Variants in PRELID2 observed in about 807,000 individuals in gnomAD.
PRELID2 encodes the protein PRELI domain containing 2, also known as PRELI domain-containing protein 2.
In PRELID2, 25 loss-of-function variants were observed where a neutral mutation model predicts 28.4. The ratio of observed to expected loss-of-function variants is 0.88; its 90% CI spans 0.64 to 1.23. PRELID2 has a LOEUF of 1.23. PRELID2 is among the 50% of genes most tolerant of loss of function. The pLI, the probability that PRELID2 is intolerant of heterozygous loss-of-function variation, is 0.00. For synonymous variants in PRELID2, 76 were observed against 71.6 expected, an observed-to-expected ratio of 1.06 and a Z score of -0.31; for missense variants, 201 against 214.4, an observed-to-expected ratio of 0.94 and a Z score of 0.39.
chr5:145,469,398 T>C (rs578039933), downstream of PRELID2, among the ~76,000 whole-genome samples: 1 of 152,228 alleles, frequency 6.6e-6, no homozygotes, highest in East Asian at 1.9e-4. Context: ...GGATAAAATG[T>C]TTGTTTCTAC....
intron 1 of PRELID2, among the ~76,000 whole-genome samples, chr5:145,674,438 T>A (rs896732815): frequency 2.0e-5 from 3 of 152,118 alleles, no homozygotes; most frequent in Admixed American, 2.0e-4. Context: ...GAAATAGATC[T>A]GATCACATAT....
intron 1 of PRELID2, among the ~76,000 whole-genome samples, chr5:145,831,139 T>G (rs1755557279): frequency 6.6e-6 from 1 of 152,208 alleles, no homozygotes; most frequent in South Asian, 2.1e-4. Flanking sequence ...ATAAAAAAGC[T>G]TATGCTTTTC....
chr5:145,821,999 AT>A (rs1320780605), intron 2 of PRELID2, among the ~76,000 whole-genome samples: 6 of 152,300 alleles, frequency 3.9e-5, no homozygotes, highest in African/African-American at 1.4e-4. Context: ...ATGAGAAAAT[AT>A]TTTTAATATA....
chr5:145,503,889 T>C (rs745916279), intron 1 of PRELID2, among the ~76,000 whole-genome samples: 2 of 152,156 alleles, frequency 1.3e-5, no homozygotes, highest in Non-Finnish European at 2.9e-5. Flanking sequence ...GGAAAGCTAT[T>C]TGATGCTTCT....
At chr5:145,403,344 C>T in the PRELID2 span, among the ~76,000 whole-genome samples, 1 of 152,002 alleles carries the variant, frequency 6.6e-6, no homozygotes. Flanking sequence ...TCAAGGCCAG[C>T]CTGGGCAACA....
At chr5:145,383,918 GTA>G in the PRELID2 span, among the ~76,000 whole-genome samples, 4 of 151,974 alleles carry the variant, frequency 2.6e-5, no homozygotes, top group Admixed American at 6.6e-5. Context: ...ATATATGTAT[GTA>G]TGTGTGTGTA....
chr5:145,378,943 T>C, the PRELID2 span, among the ~76,000 whole-genome samples: 1 of 152,146 alleles, frequency 6.6e-6, no homozygotes, highest in South Asian at 2.1e-4. Context: ...TTTGAGAGGG[T>C]CAACCTTTGG....
the PRELID2 span, among the ~76,000 whole-genome samples, chr5:145,307,038 T>C: frequency 6.6e-6 from 1 of 152,236 alleles, no homozygotes; most frequent in Non-Finnish European, 1.5e-5. Context: ...TGCCAGACTT[T>C]GTAATTTTTC....
At chr5:145,630,096 T>G (rs1385416058) in intron 1 of PRELID2, among the ~76,000 whole-genome samples, 1 of 150,826 alleles carries the variant, frequency 6.6e-6, no homozygotes, top group Non-Finnish European at 1.5e-5. Flanking sequence ...TGCTACTAAG[T>G]GAAAAGTGTG....
At chr5:145,452,317 C>G in the PRELID2 span, among the ~76,000 whole-genome samples, 10 of 152,184 alleles carry the variant, frequency 6.6e-5, no homozygotes, top group Non-Finnish European at 1.0e-4. Flanking sequence ...ACTTCTACCT[C>G]TTCCTTCTCC....
chr5:145,544,135 A>T (rs919153138), intron 1 of PRELID2, among the ~76,000 whole-genome samples: 2 of 152,136 alleles, frequency 1.3e-5, no homozygotes, highest in Non-Finnish European at 2.9e-5. Context: ...ACACAGTTGT[A>T]GGCTGTAGAG....
chr5:145,660,215 G>T (rs926302121), intron 1 of PRELID2, among the ~76,000 whole-genome samples: 1 of 152,104 alleles, frequency 6.6e-6, no homozygotes, highest in Admixed American at 6.5e-5. Context: ...TTAAGAGTAT[G>T]GCCTTTGGAG....
intron 1 of PRELID2, among the ~76,000 whole-genome samples, chr5:145,588,866 T>C (rs1753188785): frequency 6.9e-6 from 1 of 144,502 alleles, no homozygotes; most frequent in Non-Finnish European, 1.5e-5. Context: ...TTTTAGGGTA[T>C]GCTTTTTATT....
the PRELID2 span, among the ~76,000 whole-genome samples, chr5:145,271,368 G>T: frequency 8.6e-5 from 13 of 151,954 alleles, no homozygotes; most frequent in Admixed American, 7.2e-4. Flanking sequence ...GGCACCACAG[G>T]CATGTATTAC....
the PRELID2 span, among the ~76,000 whole-genome samples, chr5:145,302,273 T>G: frequency 6.6e-6 from 1 of 152,024 alleles, no homozygotes; most frequent in East Asian, 1.9e-4. Context: ...GCGATTCTCT[T>G]GCCTCAGCTG....
At chr5:145,682,210 A>G (rs1489551387) in intron 1 of PRELID2, among the ~76,000 whole-genome samples, 2 of 152,218 alleles carry the variant, frequency 1.3e-5, no homozygotes, top group Admixed American at 6.5e-5. Context: ...AAAAGCCACA[A>G]AGAGAAAAAT....
chr5:145,347,368 A>T, the PRELID2 span, among the ~76,000 whole-genome samples: 1 of 152,160 alleles, frequency 6.6e-6, no homozygotes, highest in Non-Finnish European at 1.5e-5. Flanking sequence ...AGGGGAATGC[A>T]TCTTTCCAGT....
chr5:145,565,783 C>T lies in PRELID2; in HGVS notation n.71-92468G>A, dbSNP rs117400256. The stretch of plus-strand genomic sequence containing the variant: ...TTCCTTTGCAGGCTCCTCATGGTGG[C>T]GAGATGGACAGCCATTCTCCAAGCC... On this transcript the variant is annotated intron_variant and non_coding_transcript_variant, in intron 1 of 2. Coordinates refer to the PRELID2 transcript ENST00000510259. 1.6e-3 allele frequency among the ~76,000 whole-genome samples: 249 copies of T among 152,262 alleles called. 2 individuals are homozygous for T. In the East Asian group the frequency reaches 0.025, roughly 15 times the overall value.
At chr5:145,240,550 G>A in the PRELID2 span, among the ~76,000 whole-genome samples, 1 of 151,726 alleles carries the variant, frequency 6.6e-6, no homozygotes, top group East Asian at 1.9e-4. Flanking sequence ...AACATTTATT[G>A]AAACTATACT....
Sources: allele counts gnomAD v4.1 joint callset (sites outside exome capture counted in the v4.1 genomes callset), GRCh38; gene constraint gnomAD v4.1.1; transcripts MANE v1.5; gene names NCBI Gene and HGNC (gene_info 2026-07-23, HGNC 2026-07-21).